The following VCPKMT variants were observed in gnomAD, a reference collection of about 807,000 sequenced individuals.
VCPKMT encodes the protein protein N-lysine methyltransferase METTL21D.
VCPKMT carries 32 observed loss-of-function variants against 28.6 expected under a neutral mutation model. The ratio of observed to expected loss-of-function variants is 1.12; its 90% CI spans 0.84 to 1.50. The LOEUF is 1.50. Among genes scored for constraint, VCPKMT ranks in the 40% most tolerant of loss-of-function variants. VCPKMT has a pLI of 0.00. For missense variants in VCPKMT, 366 were observed against 285.0 expected (o/e 1.28, Z -2.05); for synonymous variants, 138 against 111.4 (o/e 1.24, Z -1.50).
At chr14:50,113,533 G>A (rs1016676019) in intron 4 of VCPKMT, 2 of 127,510 alleles carry the variant, frequency 1.6e-5, no homozygotes, top group East Asian at 2.4e-4. Flanking sequence ...AAGAGTGACA[G>A]ATACATAAAA....
downstream of VCPKMT, among the ~76,000 whole-genome samples, chr14:50,107,532 T>C (rs375950230): frequency 2.6e-4 from 40 of 152,306 alleles, no homozygotes; most frequent in East Asian, 5.6e-3. Context: ...CAGGCTGGTC[T>C]CCAACTCCCG....
intron 5 of VCPKMT, 150 bp from the exon 6 acceptor site, chr14:50,109,863 T>C (rs1566804005): frequency 1.1e-6 from 1 of 922,380 alleles, no homozygotes. Context: ...TGCATGTTTA[T>C]AGATGGTTCT....
intron 3 of VCPKMT, among the ~76,000 whole-genome samples, chr14:50,115,303 C>T (rs1304495337): frequency 1.3e-5 from 2 of 152,004 alleles, no homozygotes; most frequent in African/African-American, 2.4e-5. Flanking sequence ...CAGACATGCA[C>T]CACCACGCCT....
rs112306479 is a variant in VCPKMT, at chr14:50,111,087, A to C, written c.676-1374T>G. On this transcript the variant is annotated intron_variant, in intron 5 of 5. Coordinates refer to ENST00000395860, the MANE Select transcript of VCPKMT (RefSeq NM_024558.3). ...AGTGGTAATTTACACAACTATGTGAATATACTAAAAACCACCAAATTGTAC... is the reference window on the plus strand; with the variant it reads ...AGTGGTAATTTACACAACTATGTGACTATACTAAAAACCACCAAATTGTAC... 12 of 743,244 alleles carry C rather than the reference A, an allele frequency of 1.6e-5. No homozygotes were observed. In the African/African-American group the frequency reaches 1.7e-4, roughly 11 times the overall value. 46.0% of individuals were successfully genotyped at this position (743,244 alleles called of 1,614,324 possible).
At chr14:50,112,287 TG>T (rs1371661110) in intron 5 of VCPKMT, among the ~76,000 whole-genome samples, 1 of 150,654 alleles carries the variant, frequency 6.6e-6, no homozygotes, top group Non-Finnish European at 1.5e-5. Context: ...GGCTGATGCC[TG>T]TAATCTCAGA....
intron 5 of VCPKMT, chr14:50,111,310 T>C (rs1882640239): frequency 7.1e-6 from 7 of 985,314 alleles, no homozygotes; most frequent in Non-Finnish European, 8.4e-6. Context: ...ACAGTTTTTT[T>C]TGTATCTGTG....
At chr14:50,107,729 G>T (rs185570815), downstream of VCPKMT, among the ~76,000 whole-genome samples, 1 of 152,332 alleles carries the variant, frequency 6.6e-6, no homozygotes, top group East Asian at 1.9e-4. Context: ...CAGGAAGGGG[G>T]AGGAAGTCAA....
chr14:50,115,789 G>C, intron 3 of VCPKMT, 50 bp downstream of exon 3: 1 of 1,553,474 alleles, frequency 6.4e-7, no homozygotes, highest in Admixed American at 1.8e-5. Context: ...AGAATTCATG[G>C]AATAAGGTTC....
At position 50,109,672 on chromosome 14, in the gene VCPKMT, G is replaced by A. The variant is rs770455232; in HGVS notation, c.*27C>T. 1 of 1,595,202 alleles carries A rather than the reference G, an allele frequency of 6.3e-7. No homozygotes were observed. ...CATCTTTAGTTTACCCAGGTTGTTA[G>A]AGCCTTGGGTAAGATGATTAAAGGC... On this transcript the variant is annotated 3_prime_UTR_variant, in exon 6 of 6. Coordinates refer to ENST00000395860, the MANE Select transcript of VCPKMT (RefSeq NM_024558.3).
intron 5 of VCPKMT, among the ~76,000 whole-genome samples, chr14:50,112,392 CGA>C (rs763730645): frequency 0.26 from 13,748 of 52,232 alleles, 2,686 homozygotes; most frequent in East Asian, 0.44. Context: ...TTAAAAAATA[CGA>C]GAAAAAAAAA....
At chr14:50,115,145 G>GTTTTTT (rs745531021) in intron 3 of VCPKMT, among the ~76,000 whole-genome samples, 31 of 90,366 alleles carry the variant, frequency 3.4e-4, no homozygotes, top group African/African-American at 9.6e-4. Context: ...ACAAACTGAT[G>GTTTTTT]TTTTTTTTTT....
rs767504553 is a variant in VCPKMT at position 50,108,702 on chromosome 14, A to C, written c.*997T>G. On this transcript the variant is annotated 3_prime_UTR_variant, in exon 6 of 6. Coordinates refer to ENST00000395860, the MANE Select transcript of VCPKMT (RefSeq NM_024558.3). ...TCTAGCACCAATGCCTATAAATACCAGAATTCCATCCGGTTACTACTCTTT... is the reference window on the plus strand; with the variant it reads ...TCTAGCACCAATGCCTATAAATACCCGAATTCCATCCGGTTACTACTCTTT... The C allele has an allele frequency of 2.0e-6, 2 of 985,760 alleles. No individual in the cohort carries two copies. The highest frequency in any genetic ancestry group is 3.5e-5 in the African/African-American group (2 of 57,256). The allele number at this position is 985,760 out of a possible 1,614,324, so 61.1% of individuals were successfully genotyped here. A position where few individuals can be genotyped will look rare whatever the true frequency, so the allele number is the denominator to read the frequency against.
intron 4 of VCPKMT, among the ~76,000 whole-genome samples, chr14:50,113,199 A>G (rs1366486993): frequency 2.0e-5 from 3 of 152,182 alleles, no homozygotes; most frequent in Non-Finnish European, 4.4e-5. Context: ...TATACATATG[A>G]AAAATTAAGC....
rs1050518525 is a variant in VCPKMT at position 50,108,712 on chromosome 14, C to T, written c.*987G>A. The T allele has an allele frequency of 3.0e-6, 3 of 985,666 alleles. No homozygotes were observed. Among genetic ancestry groups the T allele is most frequent in the Admixed American group, 1.2e-4 (2 of 16,256 alleles). The allele number at this position is 985,666 out of a possible 1,614,324, so 61.1% of individuals were successfully genotyped here. A position where few individuals can be genotyped will look rare whatever the true frequency, so the allele number is the denominator to read the frequency against. On this transcript the variant is annotated 3_prime_UTR_variant, in exon 6 of 6. Coordinates refer to ENST00000395860, the MANE Select transcript of VCPKMT (RefSeq NM_024558.3). ...ATGCCTATAAATACCAGAATTCCAT[C>T]CGGTTACTACTCTTTGGAACAAGTA...
In VCPKMT at chr14:50,109,314, T is replaced by C; in HGVS notation, c.*385A>G. 2.0e-6 allele frequency: 2 copies of C among 1,004,188 alleles called. No individual in the cohort carries two copies. Among genetic ancestry groups the C allele is most frequent in the Middle Eastern group, 5.0e-4 (1 of 2,002 alleles). The allele number at this position is 1,004,188 out of a possible 1,614,324, so 62.2% of individuals were successfully genotyped here. ...AGTTTGAATTTAAAACATTATTATA[T>C]AATAGCAGATAGTTCTCTTCAGAAA... On this transcript the variant is annotated 3_prime_UTR_variant, in exon 6 of 6. Coordinates refer to ENST00000395860, the MANE Select transcript of VCPKMT (RefSeq NM_024558.3).
chr14:50,115,223 G>A (rs1373393316), intron 3 of VCPKMT, among the ~76,000 whole-genome samples: 1 of 148,200 alleles, frequency 6.7e-6, no homozygotes, highest in Non-Finnish European at 1.5e-5. Flanking sequence ...CATGATTTCG[G>A]CTCACTGCAA....
intron 5 of VCPKMT, chr14:50,111,241 A>C: frequency 1.0e-6 from 1 of 985,222 alleles, no homozygotes; most frequent in Non-Finnish European, 1.2e-6. Context: ...CCTCCAAAAA[A>C]TTCTACTTTT....
In VCPKMT at chr14:50,109,639, T is replaced by C; in HGVS notation, c.*60A>G. 1 of 1,564,626 alleles carries C rather than the reference T, an allele frequency of 6.4e-7. No homozygotes were observed. The highest frequency in any genetic ancestry group is 8.6e-7 in the Non-Finnish European group (1 of 1,158,920). On this transcript the variant is annotated 3_prime_UTR_variant, in exon 6 of 6. Coordinates refer to ENST00000395860, the MANE Select transcript of VCPKMT (RefSeq NM_024558.3). Reference sequence around the variant, plus strand: ...ATCTTCCCATGCTGTATTCACATGCTCTATTCACATCTTTAGTTTACCCAG... The same window carrying C: ...ATCTTCCCATGCTGTATTCACATGCCCTATTCACATCTTTAGTTTACCCAG...
In VCPKMT at chr14:50,109,586, G is replaced by T; in HGVS notation, c.*113C>A. The T allele has an allele frequency of 6.9e-7, 1 of 1,450,488 alleles. No homozygotes were observed. Among genetic ancestry groups the T allele is most frequent in the Non-Finnish European group, 9.1e-7 (1 of 1,104,748 alleles). The allele number at this position is 1,450,488 out of a possible 1,614,324, so 89.9% of individuals were successfully genotyped here. On this transcript the variant is annotated 3_prime_UTR_variant, in exon 6 of 6. Coordinates refer to ENST00000395860, the MANE Select transcript of VCPKMT (RefSeq NM_024558.3). Reference sequence around the variant, plus strand: ...ATCTATACATCGGATCTCTAAGGACGTGCCGGAAAAAAAAATCTGTGAACA... The same window carrying T: ...ATCTATACATCGGATCTCTAAGGACTTGCCGGAAAAAAAAATCTGTGAACA...
Sources: gnomAD v4.1 joint callset for allele counts (sites outside exome capture counted in the v4.1 genomes callset) on GRCh38, gnomAD v4.1.1 for gene constraint, MANE v1.5 for transcripts, NCBI Gene and HGNC (gene_info 2026-07-23, HGNC 2026-07-21) for gene names.